PDZD2: variants seen among roughly 807,000 people sequenced by gnomAD.
PDZD2 encodes the protein PDZ domain-containing protein 2.
Under a neutral mutation model 220.7 loss-of-function variants are expected in PDZD2, and 90 were observed. The observed-to-expected ratio is 0.41, with a 90% CI of 0.34 to 0.49. The LOEUF (loss-of-function observed/expected upper bound fraction) is 0.49, where lower values mean the gene tolerates loss of function less well. Among genes scored for constraint, PDZD2 ranks in the 20% least tolerant of loss-of-function variants. The pLI, the probability that PDZD2 is intolerant of heterozygous loss-of-function variation, is 0.28. For synonymous variants in PDZD2, 1,375 were observed against 1,450.5 expected, an observed-to-expected ratio of 0.95 and a Z score of 1.18; for missense variants, 3,174 against 3,608.5, an observed-to-expected ratio of 0.88 and a Z score of 3.08.
chr5:31,707,310 T>G (rs1246185561), intron 1 of PDZD2, among the ~76,000 whole-genome samples: 2 of 136,662 alleles, frequency 1.5e-5, no homozygotes, highest in Non-Finnish European at 3.3e-5. Context: ...AATAAATAAA[T>G]TAATTAATTA....
Position 32,038,806 on chromosome 5 carries a change from G to A in PDZD2, c.1519+1464G>A, listed in dbSNP as rs146023241. Among the ~76,000 whole-genome samples the A allele has an allele frequency of 1.1e-3, 160 of 152,178 alleles. 2 individuals are homozygous for A. In the East Asian group the frequency reaches 0.028, roughly 26 times the overall value. ...GAACTAGGTTTAGCCCTCAGCTCCT[G>A]AGTTACCTTGTGACTGTAGGCTAAT... On this transcript the variant is annotated intron_variant, in intron 7 of 24. Transcript: ENST00000438447.
rs1581518262 is a variant in PDZD2 at position 32,107,984 on chromosome 5, A to G, written c.8369A>G (p.Gln2790Arg). 6.2e-7 allele frequency: 1 copy of G among 1,613,184 alleles called. No homozygotes were observed. Among genetic ancestry groups the G allele is most frequent in the East Asian group, 2.2e-5 (1 of 44,870 alleles). ...KRVYKGGAAE[Q>R]AGIIEAGDEI... ...ATTCTCGTAGGTGGTGCGGCTGAAC[A>G]AGCTGGAATAATAGAAGCTGGAGAT... The change falls in exon 25 of 25, where the codon CAA becomes CGA. Residue 2790 changes from glutamine to arginine, a missense_variant. This residue lies in a region of PDZD2 where 631 missense variants were observed against 789.9 expected (regional missense o/e 0.80). Transcript: ENST00000438447.
intron 2 of PDZD2, among the ~76,000 whole-genome samples, chr5:31,969,904 T>C (rs1443234817): frequency 1.3e-5 from 2 of 152,036 alleles, no homozygotes; most frequent in Non-Finnish European, 2.9e-5. Flanking sequence ...TTTATTTATT[T>C]ATTTATTTTT....
chr5:31,725,912 C>T (rs1051030839), intron 1 of PDZD2: 8 of 692,308 alleles, frequency 1.2e-5, no homozygotes, highest in Non-Finnish European at 1.8e-5. Flanking sequence ...CTCACAGGGC[C>T]GTTCCTCCAG....
chr5:32,051,233 G>T (rs328617), intron 8 of PDZD2, among the ~76,000 whole-genome samples: 71,712 of 151,786 alleles, frequency 0.47, 17,652 homozygotes, highest in African/African-American at 0.61. Context: ...AAACCCAGGC[G>T]ATGTTTGGCC....
At chr5:31,687,583 AC>A (rs1746924765) in intron 1 of PDZD2, among the ~76,000 whole-genome samples, 2 of 152,222 alleles carry the variant, frequency 1.3e-5, no homozygotes, top group South Asian at 4.2e-4. Flanking sequence ...TTACAGCAGC[AC>A]CCCACTTCTT....
intron 1 of PDZD2, among the ~76,000 whole-genome samples, chr5:31,752,693 G>T (rs1751080652): frequency 6.6e-6 from 1 of 152,128 alleles, no homozygotes; most frequent in Admixed American, 6.6e-5. Context: ...GGGATTATAG[G>T]CATGAGCCAC....
At chr5:31,906,968 A>C (rs1460729890) in intron 2 of PDZD2, among the ~76,000 whole-genome samples, 1 of 152,248 alleles carries the variant, frequency 6.6e-6, no homozygotes, top group Admixed American at 6.5e-5. Context: ...TAAACTTTGA[A>C]AGTTGTATTA....
intron 2 of PDZD2, among the ~76,000 whole-genome samples, chr5:31,861,004 A>C (rs1737657335): frequency 6.6e-6 from 1 of 152,188 alleles, no homozygotes; most frequent in Non-Finnish European, 1.5e-5. Context: ...CAAGCATAGG[A>C]AAGAGCTCGC....
At position 32,107,998 on chromosome 5, in the gene PDZD2, G is replaced by A; in HGVS notation, c.8383G>A (p.Glu2795Lys). The change falls in exon 25 of 25, where the codon GAA becomes AAA. Residue 2795 changes from glutamate (E) to lysine (K), a missense_variant. This residue lies in a region of PDZD2 where 631 missense variants were observed against 789.9 expected (regional missense o/e 0.80). Coordinates refer to ENST00000438447, the MANE Select transcript of PDZD2 (RefSeq NM_178140.4). ...TGCGGCTGAACAAGCTGGAATAATA[G>A]AAGCTGGAGATGAAATTCTTGCTAT... Reference protein sequence around the residue: ...GGAAEQAGIIEAGDEILAING... With the variant: ...GGAAEQAGIIKAGDEILAING... The A allele has an allele frequency of 6.2e-7, 1 of 1,613,330 alleles. No individual in the cohort carries two copies. Among genetic ancestry groups the A allele is most frequent in the Non-Finnish European group, 8.5e-7 (1 of 1,179,360 alleles).
chr5:32,085,915 A>C (rs1291990675), intron 19 of PDZD2, among the ~76,000 whole-genome samples: 1 of 151,728 alleles, frequency 6.6e-6, no homozygotes, highest in Non-Finnish European at 1.5e-5. Context: ...ATTGTACCGA[A>C]TCTATAGATG....
At chr5:31,958,061 T>C (rs529078234) in intron 2 of PDZD2, among the ~76,000 whole-genome samples, 1 of 152,312 alleles carries the variant, frequency 6.6e-6, no homozygotes, top group East Asian at 1.9e-4. Context: ...GCAGCAGGGC[T>C]TCCATATTAT....
chr5:31,731,575 T>G (rs1464977124), intron 1 of PDZD2, among the ~76,000 whole-genome samples: 1 of 152,226 alleles, frequency 6.6e-6, no homozygotes, highest in South Asian at 2.1e-4. Flanking sequence ...TAATACAACC[T>G]TCTGTGTATT....
intron 2 of PDZD2, among the ~76,000 whole-genome samples, chr5:31,871,733 G>A (rs1319212735): frequency 4.6e-5 from 7 of 152,238 alleles, no homozygotes; most frequent in Non-Finnish European, 1.0e-4. Flanking sequence ...ACAGGCATGA[G>A]CCACTGTGCC....
At chr5:31,855,371 C>A (rs1758353506) in intron 2 of PDZD2, among the ~76,000 whole-genome samples, 1 of 152,216 alleles carries the variant, frequency 6.6e-6, no homozygotes, top group Admixed American at 6.5e-5. Flanking sequence ...TGTTGAGAGA[C>A]GGTTTGTGTT....
intron 1 of PDZD2, among the ~76,000 whole-genome samples, chr5:31,796,066 A>G (rs10065542): frequency 0.65 from 99,162 of 152,004 alleles, 33,131 homozygotes; most frequent in African/African-American, 0.79. Context: ...CCTCTTGGCC[A>G]ACAGTGATTG....
At chr5:31,967,427 T>C (rs1050655983) in intron 2 of PDZD2, among the ~76,000 whole-genome samples, 1 of 152,086 alleles carries the variant, frequency 6.6e-6, no homozygotes, top group African/African-American at 2.4e-5. Context: ...TGGATTTGGC[T>C]GGTTTGGAGA....
chr5:31,932,941 G>T (rs1966053), intron 2 of PDZD2, among the ~76,000 whole-genome samples: 1 of 150,940 alleles, frequency 6.6e-6, no homozygotes, highest in African/African-American at 2.4e-5. Flanking sequence ...ACAGAGTTTC[G>T]CTCTTGTTGC....
intron 1 of PDZD2, among the ~76,000 whole-genome samples, chr5:31,670,545 T>G (rs1746175658): frequency 6.6e-6 from 1 of 151,798 alleles, no homozygotes; most frequent in South Asian, 2.1e-4. Flanking sequence ...GCCTCCCGAG[T>G]AGCTGGGATT....
Sources: allele counts gnomAD v4.1 joint callset (sites outside exome capture counted in the v4.1 genomes callset), GRCh38; gene constraint gnomAD v4.1.1; regional missense constraint gnomAD v4.1.1; transcripts MANE v1.5; gene names NCBI Gene and HGNC (gene_info 2026-07-23, HGNC 2026-07-21).